Variants in AIMP1 observed in about 807,000 individuals in gnomAD.
AIMP1 encodes the protein aminoacyl tRNA synthase complex-interacting multifunctional protein 1.
Under a neutral mutation model 33.1 loss-of-function variants are expected in AIMP1, and 24 were observed. That is an observed-to-expected ratio of 0.73 (90% CI 0.53 to 1.02). The LOEUF (loss-of-function observed/expected upper bound fraction) is 1.02, where lower values mean the gene tolerates loss of function less well. Ranked by LOEUF, AIMP1 falls within the 50% of genes least tolerant of loss-of-function variation. The probability of loss-of-function intolerance (pLI) is 0.00; values close to 1 mark genes in which losing one functional copy is unlikely to be tolerated. For synonymous variants in AIMP1, 120 were observed against 121.5 expected (o/e 0.99, Z 0.08); for missense variants, 367 against 364.8 (o/e 1.01, Z -0.05).
chr4:106,337,099 A>T, intron 6 of AIMP1, 62 bp downstream of exon 6: 1 of 1,432,056 alleles, frequency 7.0e-7, no homozygotes, highest in South Asian at 1.1e-5. Context: ...GATGTTTGTA[A>T]TGCTTAAAGG....
intron 5 of AIMP1, among the ~76,000 whole-genome samples, chr4:106,334,431 T>A (rs532435076): frequency 1.3e-5 from 2 of 151,976 alleles, no homozygotes; most frequent in African/African-American, 4.8e-5. Flanking sequence ...GCCCAGCTAA[T>A]TTTTTGTATT....
intron 1 of AIMP1, among the ~76,000 whole-genome samples, chr4:106,317,994 G>A (rs550240185): frequency 2.0e-5 from 3 of 152,058 alleles, no homozygotes. Context: ...GAAAGTTTTT[G>A]TGTTAATGAC....
intron 1 of AIMP1, chr4:106,321,380 C>T (rs79809033): frequency 9.6e-5 from 15 of 156,558 alleles, no homozygotes; most frequent in African/African-American, 2.0e-4. Context: ...ATGTGAAGAG[C>T]GCCTCTGCCC....
At position 106,348,284 on chromosome 4, in the gene AIMP1, CTG is replaced by C. The variant is rs1257160725; in HGVS notation, c.*593_*594del. On this transcript the variant is annotated 3_prime_UTR_variant, in exon 7 of 7. Coordinates refer to ENST00000672341, the MANE Select transcript of AIMP1 (RefSeq NM_001142416.2). ...CAATAACAGCAATTTTTTTAAAAAA[CTG>C]AGATTTCCTACTGGCTTGAAGTTTT... 1 of 152,048 alleles carries C rather than the reference CTG, an allele frequency of 6.6e-6. No individual in the cohort carries two copies. The highest frequency in any genetic ancestry group is 1.5e-5 in the Non-Finnish European group (1 of 68,014). The allele number at this position is 152,048 out of a possible 1,614,324, so 9.4% of individuals were successfully genotyped here. A position where few individuals can be genotyped will look rare whatever the true frequency, so the allele number is the denominator to read the frequency against.
chr4:106,340,928 T>C (rs924822413), intron 6 of AIMP1, among the ~76,000 whole-genome samples: 1 of 152,172 alleles, frequency 6.6e-6, no homozygotes, highest in Admixed American at 6.5e-5. Flanking sequence ...ACCAACATCT[T>C]ATTTTTGTTT....
chr4:106,318,503 G>A (rs915884369), intron 1 of AIMP1, among the ~76,000 whole-genome samples: 25 of 152,264 alleles, frequency 1.6e-4, no homozygotes, highest in African/African-American at 5.5e-4. Context: ...GGAATGAAGG[G>A]AGGAGAAGAA....
rs190704156 is a variant in AIMP1, at chr4:106,332,317, T to A, written c.603+434T>A. On this transcript the variant is annotated intron_variant, in intron 5 of 6. Transcript: ENST00000672341. ...CCCTCTCCTCATTTTTCCTCAAGTA[T>A]GAAAATATTTTTTGGGTTTTAGAGA... Among the ~76,000 whole-genome samples, 369 of 151,988 alleles carry A rather than the reference T, an allele frequency of 2.4e-3. 4 individuals are homozygous for A. Among genetic ancestry groups the A allele is most frequent in the African/African-American group, 8.4e-3 (347 of 41,498 alleles).
At chr4:106,315,964 C>T (rs978377874), upstream of AIMP1, 1 of 152,762 alleles carries the variant, frequency 6.5e-6, no homozygotes, top group African/African-American at 2.4e-5. Flanking sequence ...AGCACAAAGA[C>T]AAGGGGGATG....
intron 2 of AIMP1, among the ~76,000 whole-genome samples, chr4:106,326,661 T>A (rs940512077): frequency 1.3e-5 from 2 of 152,068 alleles, no homozygotes; most frequent in Non-Finnish European, 2.9e-5. Context: ...AAGAAAGACA[T>A]GAGAATAGTT....
intron 5 of AIMP1, among the ~76,000 whole-genome samples, chr4:106,335,881 A>G (rs1292435316): frequency 1.3e-5 from 2 of 151,786 alleles, no homozygotes; most frequent in African/African-American, 4.8e-5. Context: ...TTAAATAACT[A>G]TATTTCTTAC....
intron 3 of AIMP1, 34 bp from the exon 4 acceptor site, chr4:106,328,042 A>T: frequency 6.2e-7 from 1 of 1,606,932 alleles, no homozygotes; most frequent in Non-Finnish European, 8.5e-7. Context: ...TTATTGGTTT[A>T]ATATGAATGA....
At chr4:106,340,677 A>G (rs750505291) in intron 6 of AIMP1, among the ~76,000 whole-genome samples, 1 of 152,066 alleles carries the variant, frequency 6.6e-6, no homozygotes, top group Non-Finnish European at 1.5e-5. Context: ...CATTTTTTTA[A>G]TCCAATCCAC....
rs754035006 is a variant in AIMP1, at chr4:106,327,615, G to T, written c.223+51G>T. On this transcript the variant is annotated intron_variant, in intron 3 of 6. Coordinates refer to ENST00000672341, the MANE Select transcript of AIMP1 (RefSeq NM_001142416.2). ...AATCCAGAAGTTAAGAAGTTGGCCA[G>T]TCACACCAACAGTGAGGAAAGAAGT... 3.7e-5 allele frequency: 50 copies of T among 1,342,974 alleles called. No individual in the cohort carries two copies. In the Middle Eastern group the frequency reaches 5.5e-4, roughly 15 times the overall value. 83.2% of individuals were successfully genotyped at this position (1,342,974 alleles called of 1,614,324 possible).
At chr4:106,341,838 T>C (rs546642940) in intron 6 of AIMP1, among the ~76,000 whole-genome samples, 5 of 152,234 alleles carry the variant, frequency 3.3e-5, no homozygotes, top group African/African-American at 1.2e-4. Flanking sequence ...TGATGTTGTA[T>C]GTAGTTTGAT....
upstream of AIMP1, chr4:106,316,165 C>G (rs1768831184): frequency 5.9e-6 from 1 of 169,806 alleles, no homozygotes; most frequent in Non-Finnish European, 1.3e-5. Context: ...GCGAGGAGCG[C>G]AAGCCTGGCC....
rs1351767002 is a variant in AIMP1 at position 106,325,031 on chromosome 4, C to A, written c.22C>A (p.Leu8Met). MANNDAV[L>M]KRLEQKGAEA... ...AAAAATGGCAAATAATGATGCTGTT[C>A]TGAAGAGACTGGAGCAGAAGGGTGC... Residue 8 changes from leucine to methionine, a missense_variant, in exon 2 of 7, where the codon CTG becomes ATG. Leu to Met is a conservative substitution (Grantham distance 15, BLOSUM62 2). Transcript: ENST00000672341. The A allele has an allele frequency of 5.6e-6, 9 of 1,611,326 alleles. No individual in the cohort carries two copies. The highest frequency in any genetic ancestry group is 6.8e-6 in the Non-Finnish European group (8 of 1,178,588).
chr4:106,320,872 G>A (rs1384325530), intron 1 of AIMP1, among the ~76,000 whole-genome samples: 1 of 152,072 alleles, frequency 6.6e-6, no homozygotes, highest in Non-Finnish European at 1.5e-5. Flanking sequence ...TCAGTCTGCC[G>A]AGTTCCTGGG....
chr4:106,331,924 A>G, intron 5 of AIMP1, 41 bp downstream of exon 5: 1 of 1,538,794 alleles, frequency 6.5e-7, no homozygotes, highest in South Asian at 1.1e-5. Flanking sequence ...TACATACAAC[A>G]TTTTCATTCC....
At position 106,316,575 on chromosome 4, in the gene AIMP1, C is replaced by G; in HGVS notation, c.-45C>G. The G allele has an allele frequency of 6.4e-7, 1 of 1,551,572 alleles. No individual in the cohort carries two copies. Among genetic ancestry groups the G allele is most frequent in the Non-Finnish European group, 8.7e-7 (1 of 1,146,938 alleles). ...GCTTCCTGCTGTGGCTGTCTCGGAA[C>G]CCGTGGTCCTCCGCTTCATGTGAGT... On this transcript the variant is annotated 5_prime_UTR_variant, in exon 1 of 7. Transcript: ENST00000672341.
Sources: allele counts gnomAD v4.1 joint callset (sites outside exome capture counted in the v4.1 genomes callset), GRCh38; gene constraint gnomAD v4.1.1; transcripts MANE v1.5; gene names NCBI Gene and HGNC (gene_info 2026-07-23, HGNC 2026-07-21).